Variants in MUC6 observed in about 807,000 individuals in gnomAD.
MUC6 encodes mucin-6.
In MUC6, 188 loss-of-function variants were observed where a neutral mutation model predicts 201.5. That is an observed-to-expected ratio of 0.93 (90% CI 0.83 to 1.05). MUC6 has a LOEUF of 1.05. Ranked by LOEUF, MUC6 falls within the 50% of genes least tolerant of loss-of-function variation. The probability of loss-of-function intolerance (pLI) is 0.00; values close to 1 mark genes in which losing one functional copy is unlikely to be tolerated. For missense variants in MUC6, 2,706 were observed against 3,256.9 expected, an observed-to-expected ratio of 0.83 and a Z score of 4.12; for synonymous variants, 1,228 against 1,389.4, an observed-to-expected ratio of 0.88 and a Z score of 2.58.
chr11:1,022,163 C>G (rs1432105594), intron 26 of MUC6, among the ~76,000 whole-genome samples: 2 of 148,870 alleles, frequency 1.3e-5, no homozygotes, highest in African/African-American at 5.0e-5. Flanking sequence ...CCCTCACTCG[C>G]TCCCTCTGCC....
At chr11:1,028,570 C>T in intron 13 of MUC6, 76 bp downstream of exon 13, 1 of 1,564,538 alleles carries the variant, frequency 6.4e-7, no homozygotes, top group Non-Finnish European at 8.7e-7. Flanking sequence ...CTCTCTTGGA[C>T]CTTTCTCCTC....
rs1188375595 is a variant in MUC6, at chr11:1,017,907, T to C, written c.4894A>G (p.Ile1632Val). ...SLVTPSTHTV[I>V]TPTHAQMATS... ...GCCATCTGTGCATGGGTAGGGGTGA[T>C]GACTGTGTGAGTACTTGGAGTCACC... The change falls in exon 31 of 33, where the codon ATC (isoleucine) becomes GTC (valine). Residue 1632 changes from isoleucine to valine, a missense_variant. Physicochemically the swap from Ile to Val is conservative, Grantham distance 29 (BLOSUM62 3). Transcript: ENST00000421673. The C allele has an allele frequency of 6.2e-7, 1 of 1,614,144 alleles. No individual in the cohort carries two copies.
rs1377683658 is a variant in MUC6, at chr11:1,013,898, C to A, written c.7142+1G>T. On this transcript the variant is annotated splice_donor_variant, in intron 32 of 32. Coordinates refer to ENST00000421673, the MANE Select transcript of MUC6 (RefSeq NM_005961.3). LOFTEE classifies it high-confidence loss of function. ...GGCAGGCCTCCCACCTGTGGACTCA[C>A]CTGGCAGCGGAAATGCAGGCGCCCT... 1.2e-6 allele frequency: 2 copies of A among 1,602,122 alleles called. No homozygotes were observed. Among genetic ancestry groups the A allele is most frequent in the Non-Finnish European group, 1.7e-6 (2 of 1,175,456 alleles).
chr11:1,025,710 G>C, intron 22 of MUC6, 95 bp downstream of exon 22: 1 of 1,205,690 alleles, frequency 8.3e-7, no homozygotes, highest in Non-Finnish European at 1.2e-6. Flanking sequence ...TGCATCTCGG[G>C]GCAGGACCTG....
In MUC6 at chr11:1,020,212, G is replaced by T. The variant is rs1165667098; in HGVS notation, c.3686C>A (p.Thr1229Asn). The T allele has an allele frequency of 4.3e-6, 7 of 1,610,668 alleles. No homozygotes were observed. The African/African-American group carries it at 9.4e-5, about 22-fold the overall frequency. Reference protein sequence around the residue: ...QVWPMTGTSTTIGLLSSTGPS... With the variant: ...QVWPMTGTSTNIGLLSSTGPS... ...TCCGGTGGAGCTGAGAAGCCCGATG[G>T]TGGTGGAGGTTCCCGTCATGGGCCA... The change falls in exon 29 of 33, where the codon ACC becomes AAC. Residue 1229 changes from threonine to asparagine, a missense_variant. Transcript: ENST00000421673.
At chr11:1,014,389 G>T (rs1298566036) in intron 31 of MUC6, among the ~76,000 whole-genome samples, 2 of 152,214 alleles carry the variant, frequency 1.3e-5, no homozygotes, top group African/African-American at 4.8e-5. Flanking sequence ...CCTGCAGGGG[G>T]GCCGAGGACA....
Position 1,029,645 on chromosome 11 carries a change from G to A in MUC6, c.1016-30C>T, listed in dbSNP as rs749453130. 8.4e-6 allele frequency: 13 copies of A among 1,542,530 alleles called. No individual in the cohort carries two copies. The Admixed American group carries it at 2.3e-4, about 27-fold the overall frequency. On this transcript the variant is annotated intron_variant, in intron 8 of 32. Coordinates refer to ENST00000421673, the MANE Select transcript of MUC6 (RefSeq NM_005961.3). ...AGGAGAGGGTCTTCTTGGGGCTTGG[G>A]TGGGACTGACTGCCTCCCACTCTCC...
rs1456895018 is a variant in MUC6 at position 1,027,169 on chromosome 11, A to G, written c.2256T>C (p.Ser752=). The G allele has an allele frequency of 6.2e-7, 1 of 1,612,306 alleles. No homozygotes were observed. Among genetic ancestry groups the G allele is most frequent in the South Asian group, 1.1e-5 (1 of 91,074 alleles). The change falls in exon 18 of 33, where the codon AGT becomes AGC. Residue 752 remains serine (S), a synonymous_variant. Coordinates refer to ENST00000421673, the MANE Select transcript of MUC6 (RefSeq NM_005961.3). ...ITCHCINGRL[S]CPQRPQMFLA... The stretch of plus-strand genomic sequence containing the variant: ...GGAACATCTGTGGCCGCTGCGGGCA[A>G]CTCAGCCGCCCGTTGATGCAGTGGC...
intron 24 of MUC6, among the ~76,000 whole-genome samples, chr11:1,024,565 C>T (rs771093518): frequency 5.3e-5 from 8 of 152,218 alleles, no homozygotes; most frequent in Non-Finnish European, 1.0e-4. Context: ...AGGGGGCCCA[C>T]CAGGCGATGC....
At position 1,016,672 on chromosome 11, in the gene MUC6, T is replaced by C; in HGVS notation, c.6129A>G (p.Thr2043=). ...ATSASIHSTP[T]GTVPPPTTLK... is the part of the protein sequence containing the mutation. ...GCGTTGTTGGTGGAGGAACGGTGCC[T>C]GTTGGCGTTGAGTGGATGGAGGCAG... Residue 2043 remains threonine (T), a synonymous_variant, in exon 31 of 33, where the codon ACA becomes ACG. Coordinates refer to ENST00000421673, the MANE Select transcript of MUC6 (RefSeq NM_005961.3). 1 of 1,614,152 alleles carries C rather than the reference T, an allele frequency of 6.2e-7. No individual in the cohort carries two copies. Among genetic ancestry groups the C allele is most frequent in the Non-Finnish European group, 8.5e-7 (1 of 1,179,932 alleles).
chr11:1,029,408 G>A (rs763971613), intron 9 of MUC6, 42 bp from the exon 10 acceptor site: 59 of 1,592,812 alleles, frequency 3.7e-5, no homozygotes, highest in Admixed American at 1.7e-5. Flanking sequence ...GGGCAGGGCC[G>A]CTGGAGCCAG....
intron 4 of MUC6, 24 bp from the exon 5 acceptor site, chr11:1,031,283 G>A: frequency 6.5e-6 from 10 of 1,548,178 alleles, no homozygotes; most frequent in Non-Finnish European, 8.7e-6. Context: ...CTCTGCTGGG[G>A]GCCCGGGGGC....
Position 1,029,219 on chromosome 11 carries a change from T to G in MUC6, c.1275+9A>C. The G allele has an allele frequency of 1.2e-6, 2 of 1,606,792 alleles. No individual in the cohort carries two copies. The highest frequency in any genetic ancestry group is 1.7e-6 in the Non-Finnish European group (2 of 1,177,346). On this transcript the variant is annotated intron_variant, in intron 10 of 32. Transcript: ENST00000421673. ...CGCCCCTCCCCACGGGCCACAGGGC[T>G]CGTCCTACCTGGAGGAGGATGTAGG...
Position 1,033,831 on chromosome 11 carries a change from A to G in MUC6, c.53-756T>C, listed in dbSNP as rs1857162793. Among the ~76,000 whole-genome samples, 1 of 150,810 alleles carries G rather than the reference A, an allele frequency of 6.6e-6. No homozygotes were observed. The highest frequency in any genetic ancestry group is 1.5e-5 in the Non-Finnish European group (1 of 67,696). On this transcript the variant is annotated intron_variant, in intron 1 of 32. Coordinates refer to ENST00000421673, the MANE Select transcript of MUC6 (RefSeq NM_005961.3). This position sits in a 1 kb window ranked among gnomAD's most constrained non-coding sequence, Gnocchi z 5.6. ...TATGACCCTTCCTGTGGCTCCCACG[A>G]GCCCCCGATGTCTGAGTGGTGGTGC... is the stretch of plus-strand genomic sequence containing the variant.
chr11:1,036,440 C>T (rs1038419881), intron 1 of MUC6, among the ~76,000 whole-genome samples, 164 bp downstream of exon 1: 4 of 152,202 alleles, frequency 2.6e-5, no homozygotes, highest in Non-Finnish European at 4.4e-5. Flanking sequence ...TGGGGGGACC[C>T]GGGCCTGGCA....
In MUC6 at chr11:1,027,249, C is replaced by T. The variant is rs1410481367; in HGVS notation, c.2231+19G>A. The T allele has an allele frequency of 6.2e-7, 1 of 1,611,960 alleles. No homozygotes were observed. ...GACCTGGCAGGGACCCCCCGCCTGG[C>T]CCCTGCCCGGTCCCTCACCAGGTGA... On this transcript the variant is annotated intron_variant, in intron 17 of 32. Coordinates refer to ENST00000421673, the MANE Select transcript of MUC6 (RefSeq NM_005961.3).
rs755785538 is a variant in MUC6, at chr11:1,026,989, C to T, written c.2346G>A (p.Gly782=). The change falls in exon 19 of 33, where the codon GGG becomes GGA. Residue 782 remains glycine (G), a synonymous_variant. Transcript: ENST00000421673. The part of the protein sequence containing the change: ...SCSQSSENKF[G]AACAPTCQML... ...TCTGGCATGTGGGGGCACAGGCTGC[C>T]CCAAACTTGTTCTCGGAGGACTGGC... 2 of 1,601,908 alleles carry T rather than the reference C, an allele frequency of 1.2e-6. No individual in the cohort carries two copies. Among genetic ancestry groups the T allele is most frequent in the Admixed American group, 1.7e-5 (1 of 58,338 alleles).
chr11:1,019,953 T>G, intron 29 of MUC6, 137 bp downstream of exon 29: 1 of 1,180,532 alleles, frequency 8.5e-7, no homozygotes. Context: ...CTCCCAAGCA[T>G]AGGAAGTTCT....
In MUC6 at chr11:1,030,475, A is replaced by AGG. The variant is rs947341782; in HGVS notation, c.892+96_892+97dup. ...AGGATCTCCTGTCTCTCAGACCAGGAGGGATGCAGGCGTCACGTCAGGCAG... is the reference window on the plus strand; with the variant it reads ...AGGATCTCCTGTCTCTCAGACCAGGAGGGGGATGCAGGCGTCACGTCAGGCAG... On this transcript the variant is annotated intron_variant, in intron 7 of 32. Coordinates refer to ENST00000421673, the MANE Select transcript of MUC6 (RefSeq NM_005961.3). 1.1e-5 allele frequency: 16 copies of AGG among 1,431,294 alleles called. No individual in the cohort carries two copies. In the Admixed American group the frequency reaches 3.5e-4, roughly 32 times the overall value. The allele number at this position is 1,431,294 out of a possible 1,614,324, so 88.7% of individuals were successfully genotyped here.
Sources: gnomAD v4.1 joint callset for allele counts (sites outside exome capture counted in the v4.1 genomes callset) on GRCh38, gnomAD v4.1.1 for gene constraint, Gnocchi (gnomAD v3.1) non-coding constraint, MANE v1.5 for transcripts, NCBI Gene and HGNC (gene_info 2026-07-23, HGNC 2026-07-21) for gene names.